DSCAML1: variants seen among roughly 807,000 people sequenced by gnomAD.
DSCAML1 encodes the protein cell adhesion molecule DSCAML1.
A neutral mutation model predicts 200.5 loss-of-function variants in DSCAML1; 38 were observed. That is an observed-to-expected ratio of 0.19 (90% CI 0.15 to 0.25). The LOEUF (loss-of-function observed/expected upper bound fraction) is 0.25. Ranked by LOEUF, DSCAML1 falls within the 10% of genes least tolerant of loss-of-function variation. DSCAML1 has a pLI of 1.00. For missense variants in DSCAML1, 2,223 were observed against 2,858.8 expected, an observed-to-expected ratio of 0.78 and a Z score of 5.07; for synonymous variants, 1,215 against 1,165.0, an observed-to-expected ratio of 1.04 and a Z score of -0.87.
At chr11:117,465,427 C>T (rs569680621) in intron 16 of DSCAML1, among the ~76,000 whole-genome samples, 3 of 152,288 alleles carry the variant, frequency 2.0e-5, no homozygotes, top group Admixed American at 1.3e-4. Flanking sequence ...CCTCTTTGGC[C>T]GCATCCCCAT....
intron 3 of DSCAML1, among the ~76,000 whole-genome samples, chr11:117,711,920 C>G (rs1311981714): frequency 1.3e-5 from 2 of 152,160 alleles, no homozygotes; most frequent in African/African-American, 4.8e-5. Flanking sequence ...CTTATTACTC[C>G]CATTACATTT....
chr11:117,445,335 G>C (rs1396093098), intron 20 of DSCAML1, among the ~76,000 whole-genome samples: 3 of 152,176 alleles, frequency 2.0e-5, no homozygotes, highest in African/African-American at 7.2e-5. Flanking sequence ...GGAGGTCCGG[G>C]GGGGCAGGTG....
chr11:117,671,738 G>A (rs959477108), intron 3 of DSCAML1, among the ~76,000 whole-genome samples: 2 of 152,180 alleles, frequency 1.3e-5, no homozygotes, highest in Admixed American at 6.5e-5. Context: ...AATAGAAACC[G>A]CATGGCCACA....
chr11:117,675,179 G>A (rs1160396440), intron 3 of DSCAML1, among the ~76,000 whole-genome samples: 1 of 152,236 alleles, frequency 6.6e-6, no homozygotes, highest in East Asian at 1.9e-4. Context: ...AACACTGTGT[G>A]TTAGCGTTTA....
chr11:117,577,926 C>A (rs2050975935), intron 3 of DSCAML1, among the ~76,000 whole-genome samples: 1 of 151,678 alleles, frequency 6.6e-6, no homozygotes, highest in African/African-American at 2.4e-5. Context: ...GTTGACCCCT[C>A]TTGCCTATTA....
chr11:117,751,220 A>C (rs1427804084), intron 3 of DSCAML1, among the ~76,000 whole-genome samples: 1 of 152,140 alleles, frequency 6.6e-6, no homozygotes, highest in East Asian at 1.9e-4. Context: ...GAAAAACTGC[A>C]GGAAACTGTG....
chr11:117,455,135 C>G (rs2048348736), intron 19 of DSCAML1, among the ~76,000 whole-genome samples: 1 of 152,186 alleles, frequency 6.6e-6, no homozygotes, highest in Non-Finnish European at 1.5e-5. Flanking sequence ...AACAGGTGTT[C>G]TAAAAAGTAG....
At chr11:117,471,073 T>C (rs932935256) in intron 15 of DSCAML1, among the ~76,000 whole-genome samples, 28 of 152,222 alleles carry the variant, frequency 1.8e-4, no homozygotes, top group Admixed American at 1.7e-3. Context: ...CATGGGGGAC[T>C]TCTGCCATGC....
chr11:117,780,157 GAGAA>G lies in DSCAML1; in HGVS notation c.364+332_364+335del, dbSNP rs1196207687. On this transcript the variant is annotated intron_variant, in intron 2 of 32. Transcript: ENST00000651296. The surrounding 1 kb of genome is among the most constrained non-coding windows in gnomAD (Gnocchi z 4.8). ...GCAAAAAGAAAGAGAGAGAGAGAGA[GAGAA>G]AGAAAGAAAGAAAAAAAGAAAAAAA... Among the ~76,000 whole-genome samples, 9 of 139,994 alleles carry G rather than the reference GAGAA, an allele frequency of 6.4e-5. No individual in the cohort carries two copies. The highest frequency in any genetic ancestry group is 2.2e-4 in the Admixed American group (3 of 13,628). 91.8% of individuals were successfully genotyped at this position (139,994 alleles called of 152,430 possible).
chr11:117,467,582 T>A (rs117896749), intron 16 of DSCAML1, among the ~76,000 whole-genome samples: 1 of 152,236 alleles, frequency 6.6e-6, no homozygotes, highest in East Asian at 1.9e-4. Context: ...ATGAAGTTTT[T>A]AATTTAACAT....
At chr11:117,725,013 C>A (rs2054100518) in intron 3 of DSCAML1, among the ~76,000 whole-genome samples, 1 of 152,214 alleles carries the variant, frequency 6.6e-6, no homozygotes. Context: ...AAAGGCTAGA[C>A]TGGCAGAGGT....
chr11:117,710,614 G>A (rs1285903885), intron 3 of DSCAML1, among the ~76,000 whole-genome samples: 2 of 152,212 alleles, frequency 1.3e-5, no homozygotes, highest in African/African-American at 4.8e-5. Context: ...ACCGCCCCGT[G>A]ACTCAGTTTC....
intron 19 of DSCAML1, among the ~76,000 whole-genome samples, chr11:117,457,304 G>A (rs1289365221): frequency 1.3e-5 from 2 of 152,230 alleles, no homozygotes; most frequent in Admixed American, 1.3e-4. Context: ...AGGGAGGGGT[G>A]ATGCCCCTAG....
In DSCAML1 at chr11:117,461,545, A is replaced by G. The variant is rs2048483157; in HGVS notation, c.3317T>C (p.Val1106Ala). Residue 1106 changes from valine (V) to alanine (A), a missense_variant, in exon 18 of 33, where the codon GTG becomes GCG. Transcript: ENST00000651296. ...GGGCTCTGACCAGGAGATGACGGCC[A>G]CGTCAGAAGTGATGGACAGGGCCCG... Reference protein sequence around the residue: ...NVRALSITSDVAVISWSEPPR... With the variant: ...NVRALSITSDAAVISWSEPPR... The G allele has an allele frequency of 6.2e-7, 1 of 1,614,034 alleles. No homozygotes were observed.
At chr11:117,812,193 G>A (rs772564614) in intron 1 of DSCAML1, among the ~76,000 whole-genome samples, 12 of 151,900 alleles carry the variant, frequency 7.9e-5, no homozygotes, top group African/African-American at 2.9e-4. Flanking sequence ...CCTCCTTGGC[G>A]ACCAATCATG....
At chr11:117,600,457 C>G (rs549418005) in intron 3 of DSCAML1, among the ~76,000 whole-genome samples, 1 of 152,310 alleles carries the variant, frequency 6.6e-6, no homozygotes, top group South Asian at 2.1e-4. Flanking sequence ...CAGCTGTGCA[C>G]TAGCAGGCCC....
Position 117,498,427 on chromosome 11 carries a change from C to T in DSCAML1, c.2359+5418G>A, listed in dbSNP as rs1032707924. Among the ~76,000 whole-genome samples the T allele has an allele frequency of 1.3e-5, 2 of 152,144 alleles. No homozygotes were observed. The highest frequency in any genetic ancestry group is 4.8e-5 in the African/African-American group (2 of 41,432). ...CTGGAAGCAGGGAATTCCCTGGGTA[C>T]CTGGACTGTGGTCTAGAAAGGGATT... is the stretch of plus-strand genomic sequence containing the variant. On this transcript the variant is annotated intron_variant, in intron 11 of 32. Coordinates refer to ENST00000651296, the MANE Select transcript of DSCAML1 (RefSeq NM_020693.4). The surrounding 1 kb of genome is among the most constrained non-coding windows in gnomAD (Gnocchi z 4.0).
intron 3 of DSCAML1, among the ~76,000 whole-genome samples, chr11:117,561,566 G>A (rs1029301869): frequency 3.9e-5 from 6 of 152,086 alleles, no homozygotes; most frequent in East Asian, 1.9e-4. Context: ...TTCCTATAGC[G>A]CCCCTTGTTC....
chr11:117,504,049 T>C lies in DSCAML1; in HGVS notation c.2183-28A>G. The C allele has an allele frequency of 6.2e-7, 1 of 1,610,606 alleles. No individual in the cohort carries two copies. The highest frequency in any genetic ancestry group is 8.5e-7 in the Non-Finnish European group (1 of 1,178,334). Reference sequence around the variant, plus strand: ...GGAAGGAGGCAGCTGTTAGGAGGGCTGAGTCTGCACTGGGGCATAAGCTGA... The same window carrying C: ...GGAAGGAGGCAGCTGTTAGGAGGGCCGAGTCTGCACTGGGGCATAAGCTGA... On this transcript the variant is annotated intron_variant, in intron 10 of 32. Coordinates refer to ENST00000651296, the MANE Select transcript of DSCAML1 (RefSeq NM_020693.4). The surrounding 1 kb of genome is among the most constrained non-coding windows in gnomAD (Gnocchi z 5.0).
Sources: allele counts gnomAD v4.1 joint callset (sites outside exome capture counted in the v4.1 genomes callset), GRCh38; gene constraint gnomAD v4.1.1; non-coding constraint Gnocchi (gnomAD v3.1); transcripts MANE v1.5; gene names NCBI Gene and HGNC (gene_info 2026-07-23, HGNC 2026-07-21).